The following ADD2 variants were observed in gnomAD, a reference collection of about 807,000 sequenced individuals.
The protein encoded by ADD2 is beta-adducin.
In ADD2, 23 loss-of-function variants were observed where a neutral mutation model predicts 83.0. The observed-to-expected ratio is 0.28, with a 90% CI of 0.20 to 0.39. The LOEUF (loss-of-function observed/expected upper bound fraction) is 0.39. Ranked by LOEUF, ADD2 falls within the 10% of genes least tolerant of loss-of-function variation. ADD2 has a pLI of 1.00. For synonymous variants in ADD2, 375 were observed against 375.4 expected (o/e 1.00, Z 0.01); for missense variants, 758 against 944.9 (o/e 0.80, Z 2.59).
intron 1 of ADD2, among the ~76,000 whole-genome samples, chr2:70,726,170 GA>G: frequency 8.7e-6 from 1 of 114,296 alleles, no homozygotes; most frequent in East Asian, 2.7e-4. Context: ...CTGGGCGACA[GA>G]GCGAGACTCC....
chr2:70,714,209 C>T (rs1672345955), intron 1 of ADD2, among the ~76,000 whole-genome samples: 1 of 152,164 alleles, frequency 6.6e-6, no homozygotes, highest in African/African-American at 2.4e-5. Flanking sequence ...TCCATTTTCA[C>T]TTGGACATCC....
At chr2:70,703,298 C>T (rs1277094054) in intron 4 of ADD2, among the ~76,000 whole-genome samples, 2 of 152,064 alleles carry the variant, frequency 1.3e-5, no homozygotes, top group Non-Finnish European at 2.9e-5. Context: ...ATATATCCAA[C>T]CTCATCAGTA....
intron 1 of ADD2, among the ~76,000 whole-genome samples, chr2:70,714,459 C>CA (rs1444870596): frequency 6.6e-6 from 1 of 152,216 alleles, no homozygotes; most frequent in Non-Finnish European, 1.5e-5. Flanking sequence ...CCTGCACACC[C>CA]ACTAAGGCTC....
chr2:70,719,170 C>T (rs889325324), intron 1 of ADD2, among the ~76,000 whole-genome samples: 2 of 152,208 alleles, frequency 1.3e-5, no homozygotes, highest in Admixed American at 6.5e-5. Flanking sequence ...TGGTGGGTCA[C>T]CCACCTGCAC....
rs1359819057 is a variant in ADD2, at chr2:70,662,057, T to C, written c.*1368A>G. On this transcript the variant is annotated 3_prime_UTR_variant, in exon 16 of 16. Transcript: ENST00000264436. Reference sequence around the variant, plus strand: ...GCAAGTGCTCAAAAGTGGAAAACTATGATTAAGAACTTTCAAAAATATTTT... The same window carrying C: ...GCAAGTGCTCAAAAGTGGAAAACTACGATTAAGAACTTTCAAAAATATTTT... 2.0e-5 allele frequency: 3 copies of C among 152,212 alleles called. No individual in the cohort carries two copies. Among genetic ancestry groups the C allele is most frequent in the Non-Finnish European group, 4.4e-5 (3 of 68,050 alleles). The allele number at this position is 152,212 out of a possible 1,614,324, so 9.4% of individuals were successfully genotyped here.
chr2:70,657,006 A>ATAT lies in ADD2; in HGVS notation c.*6418_*6419insATA, dbSNP rs1675380615. 6.8e-6 allele frequency: 1 copy of ATAT among 147,644 alleles called. No homozygotes were observed. The highest frequency in any genetic ancestry group is 1.5e-5 in the Non-Finnish European group (1 of 67,042). The allele number at this position is 147,644 out of a possible 1,614,324, so 9.1% of individuals were successfully genotyped here. On this transcript the variant is annotated 3_prime_UTR_variant, in exon 16 of 16. Coordinates refer to ENST00000264436, the MANE Select transcript of ADD2 (RefSeq NM_001617.4). ...GAAAACTATACAAAACCAACCCATAAATATATATATATATATAATATGTGT... is the reference window on the plus strand; with the variant it reads ...GAAAACTATACAAAACCAACCCATAATATATATATATATATATATAATATGTGT...
At chr2:70,710,388 C>A (rs1672119740) in intron 2 of ADD2, among the ~76,000 whole-genome samples, 1 of 152,230 alleles carries the variant, frequency 6.6e-6, no homozygotes, top group Non-Finnish European at 1.5e-5. Context: ...CCCTGAAGTA[C>A]AAAGAACCAA....
intron 11 of ADD2, 123 bp downstream of exon 11, chr2:70,678,581 C>G (rs1178860802): frequency 1.4e-6 from 2 of 1,389,616 alleles, no homozygotes; most frequent in African/African-American, 2.9e-5. Context: ...TAATAGGAAG[C>G]CCAAAGAGGA....
intron 1 of ADD2, among the ~76,000 whole-genome samples, chr2:70,764,430 G>A (rs373260744): frequency 9.9e-5 from 15 of 151,998 alleles, no homozygotes; most frequent in East Asian, 7.7e-4. Context: ...TTGGCAAGTT[G>A]TGTGTGTCCT....
chr2:70,692,397 A>G lies in ADD2; in HGVS notation c.705+6T>C. ...TCCTTGGGTGGCTGAGAAGGAGTCC[A>G]CTCACCGCTGCTGTGGCCGGTGTGT... is the stretch of plus-strand genomic sequence containing the variant. On this transcript the variant is annotated splice_donor_region_variant and intron_variant, in intron 7 of 15. Coordinates refer to ENST00000264436, the MANE Select transcript of ADD2 (RefSeq NM_001617.4). 1 of 1,541,124 alleles carries G rather than the reference A, an allele frequency of 6.5e-7. No individual in the cohort carries two copies. The highest frequency in any genetic ancestry group is 1.2e-5 in the South Asian group (1 of 80,130).
rs535159806 is a variant in ADD2 at position 70,698,687 on chromosome 2, T to C, written c.323-2291A>G. Among the ~76,000 whole-genome samples the C allele has an allele frequency of 2.6e-5, 4 of 152,332 alleles. No individual in the cohort carries two copies. The East Asian group carries it at 7.7e-4, about 29-fold the overall frequency. Reference sequence around the variant, plus strand: ...AAATGTCGCTTGTACCCCATAAATATGTACAACTATTAGGTATCCATTTTA... The same window carrying C: ...AAATGTCGCTTGTACCCCATAAATACGTACAACTATTAGGTATCCATTTTA... On this transcript the variant is annotated intron_variant, in intron 4 of 15. Coordinates refer to ENST00000264436, the MANE Select transcript of ADD2 (RefSeq NM_001617.4).
intron 10 of ADD2, among the ~76,000 whole-genome samples, chr2:70,679,980 T>A (rs2104258152): frequency 6.6e-6 from 1 of 152,344 alleles, no homozygotes; most frequent in East Asian, 1.9e-4. Context: ...TCATAGATGG[T>A]GAAAATATTT....
chr2:70,679,542 T>C (rs1553369170), intron 10 of ADD2, among the ~76,000 whole-genome samples: 1 of 152,208 alleles, frequency 6.6e-6, no homozygotes, highest in Non-Finnish European at 1.5e-5. Context: ...AAGCTGGAGC[T>C]GACTGCTTCT....
intron 15 of ADD2, among the ~76,000 whole-genome samples, chr2:70,665,969 C>A (rs1484762503): frequency 6.6e-6 from 1 of 152,140 alleles, no homozygotes; most frequent in Non-Finnish European, 1.5e-5. Context: ...GTGCCCACTA[C>A]CAAGCCCAGC....
chr2:70,674,864 G>T, intron 13 of ADD2, 39 bp from the exon 14 acceptor site: 1 of 1,593,884 alleles, frequency 6.3e-7, no homozygotes, highest in East Asian at 2.2e-5. Flanking sequence ...CTCTCTGAAC[G>T]CCGCAGTTGG....
chr2:70,762,153 T>C (rs1301621019), intron 1 of ADD2, among the ~76,000 whole-genome samples: 2 of 151,778 alleles, frequency 1.3e-5, no homozygotes, highest in African/African-American at 2.4e-5. Context: ...GTATCACATA[T>C]AATAAATGTA....
chr2:70,767,534 G>A (rs1292808003), intron 1 of ADD2: 4 of 710,110 alleles, frequency 5.6e-6, no homozygotes, highest in Admixed American at 5.1e-5. Context: ...GGGAGGGGAG[G>A]AGCGGCCCCG....
intron 8 of ADD2, among the ~76,000 whole-genome samples, chr2:70,690,438 T>C (rs1333991675): frequency 6.6e-6 from 1 of 152,204 alleles, no homozygotes; most frequent in Non-Finnish European, 1.5e-5. Context: ...AGTATTCAGG[T>C]AAATTATAGC....
chr2:70,760,883 G>A (rs1427680814), intron 1 of ADD2, among the ~76,000 whole-genome samples: 1 of 152,076 alleles, frequency 6.6e-6, no homozygotes, highest in African/African-American at 2.4e-5. Flanking sequence ...TGATAAAGTT[G>A]GCCACAACTT....
Sources: gnomAD v4.1 joint callset for allele counts (sites outside exome capture counted in the v4.1 genomes callset) on GRCh38, gnomAD v4.1.1 for gene constraint, MANE v1.5 for transcripts, NCBI Gene and HGNC (gene_info 2026-07-23, HGNC 2026-07-21) for gene names.